Variants in EFHD1 observed in about 807,000 individuals in gnomAD.
The protein encoded by EFHD1 is EF-hand domain family member D1.
A neutral mutation model predicts 17.2 loss-of-function variants in EFHD1; 10 were observed. The observed-to-expected ratio is 0.58, with a 90% CI of 0.36 to 0.99. EFHD1 has a LOEUF of 0.99. Among genes scored for constraint, EFHD1 ranks in the 50% least tolerant of loss-of-function variants. The pLI, the probability that EFHD1 is intolerant of heterozygous loss-of-function variation, is 0.01. For missense variants in EFHD1, 310 were observed against 327.5 expected (o/e 0.95, Z 0.41); for synonymous variants, 153 against 142.0 (o/e 1.08, Z -0.55).
chr2:232,654,219 A>G (rs1574722039), intron 1 of EFHD1, among the ~76,000 whole-genome samples: 1 of 150,972 alleles, frequency 6.6e-6, no homozygotes, highest in East Asian at 2.0e-4. Context: ...AAAAAAAAAA[A>G]AAAGAAAAGA....
intron 1 of EFHD1, among the ~76,000 whole-genome samples, chr2:232,645,176 G>C (rs1694506004): frequency 6.6e-6 from 1 of 152,092 alleles, no homozygotes; most frequent in Non-Finnish European, 1.5e-5. Flanking sequence ...GCTCAGACCT[G>C]GGTTGGCAGT....
intron 1 of EFHD1, among the ~76,000 whole-genome samples, chr2:232,621,807 G>A (rs1432670235): frequency 6.6e-6 from 1 of 152,120 alleles, no homozygotes; most frequent in Admixed American, 6.6e-5. Context: ...AAGAAGTTAA[G>A]TAACTTACTC....
rs183913112 is a variant in EFHD1, at chr2:232,634,132, A to G, written c.302+126A>G. ...CGGGGTGCAGGTAGCATTTGGCCCA[A>G]CGCAGCCAGATCTTGCGTGCTCGGG... On this transcript the variant is annotated intron_variant, in intron 1 of 3. Transcript: ENST00000264059. The G allele has an allele frequency of 1.2e-3, 1,767 of 1,452,812 alleles. 20 individuals carry two copies. The African/African-American group carries it at 0.021, about 18-fold the overall frequency. The allele number at this position is 1,452,812 out of a possible 1,614,324, so 90.0% of individuals were successfully genotyped here. A position where few individuals can be genotyped will look rare whatever the true frequency, so the allele number is the denominator to read the frequency against.
At chr2:232,632,018 T>G (rs1332322240), upstream of EFHD1, among the ~76,000 whole-genome samples, 2 of 149,842 alleles carry the variant, frequency 1.3e-5, no homozygotes, top group Non-Finnish European at 3.0e-5. Flanking sequence ...AAAAAAAAAG[T>G]TTTTAAAATA....
At chr2:232,664,464 A>G (rs1024306233) in intron 2 of EFHD1, among the ~76,000 whole-genome samples, 1 of 151,472 alleles carries the variant, frequency 6.6e-6, no homozygotes, top group African/African-American at 2.4e-5. Flanking sequence ...TATTAAAAAA[A>G]ATTTTGTGGT....
intron 1 of EFHD1, among the ~76,000 whole-genome samples, chr2:232,628,509 T>G (rs1453974871): frequency 6.6e-6 from 1 of 152,204 alleles, no homozygotes; most frequent in East Asian, 1.9e-4. Context: ...AAAGCAGCCC[T>G]GGGGTTTTGC....
At chr2:232,675,297 C>T (rs776912603) in intron 3 of EFHD1, among the ~76,000 whole-genome samples, 17 of 152,144 alleles carry the variant, frequency 1.1e-4, no homozygotes, top group Admixed American at 5.9e-4. Flanking sequence ...GATCAGGAAA[C>T]TGGGCCAGCA....
At chr2:232,619,184 T>TAAAC (rs1311438148) in intron 1 of EFHD1, among the ~76,000 whole-genome samples, 9 of 133,050 alleles carry the variant, frequency 6.8e-5, no homozygotes, top group African/African-American at 2.2e-4. Context: ...AATAAATAAA[T>TAAAC]AAATAAACAA....
At chr2:232,666,280 T>C (rs2106213540) in intron 2 of EFHD1, among the ~76,000 whole-genome samples, 1 of 152,352 alleles carries the variant, frequency 6.6e-6, no homozygotes, top group Non-Finnish European at 1.5e-5. Context: ...ATGTGGGCTG[T>C]GGCCTCCGTG....
At chr2:232,672,958 A>C (rs1258796863) in intron 3 of EFHD1, among the ~76,000 whole-genome samples, 1 of 152,178 alleles carries the variant, frequency 6.6e-6, no homozygotes, top group East Asian at 1.9e-4. Context: ...CTGAAAGCCC[A>C]GTGCTCTCAT....
intron 1 of EFHD1, among the ~76,000 whole-genome samples, chr2:232,648,909 A>G (rs1694584107): frequency 6.6e-6 from 1 of 151,912 alleles, no homozygotes. Context: ...TGTCCCTGAG[A>G]TGCAGGCAAC....
intron 1 of EFHD1, among the ~76,000 whole-genome samples, chr2:232,615,760 C>T (rs1472761003): frequency 6.7e-6 from 1 of 150,364 alleles, no homozygotes; most frequent in Non-Finnish European, 1.5e-5. Context: ...CAATCTCAGC[C>T]CACCACAACC....
At chr2:232,623,149 C>T (rs1481405175) in intron 1 of EFHD1, among the ~76,000 whole-genome samples, 2 of 152,122 alleles carry the variant, frequency 1.3e-5, no homozygotes, top group South Asian at 2.1e-4. Flanking sequence ...TGGGCTCAAA[C>T]GATCCTCCTA....
Position 232,679,570 on chromosome 2 carries a change from G to A in EFHD1, c.586-2015G>A, listed in dbSNP as rs143800901. 3.3e-3 allele frequency among the ~76,000 whole-genome samples: 499 copies of A among 151,694 alleles called. 1 individual carries two copies. The highest frequency in any genetic ancestry group is 5.4e-3 in the Non-Finnish European group (369 of 67,882). ...TCTCTACAAAAAATTGAAAAAATTA[G>A]CCTATAGGTGGCATGCACCTATAGG... On this transcript the variant is annotated intron_variant, in intron 3 of 3. Coordinates refer to ENST00000264059, the MANE Select transcript of EFHD1 (RefSeq NM_025202.4).
chr2:232,674,846 A>G (rs1695141263), intron 3 of EFHD1, among the ~76,000 whole-genome samples: 1 of 152,072 alleles, frequency 6.6e-6, no homozygotes, highest in African/African-American at 2.4e-5. Flanking sequence ...ACCAAGTGGA[A>G]GGCTCCAAGG....
At chr2:232,623,673 C>CAAAAAAA (rs756932393) in intron 1 of EFHD1, among the ~76,000 whole-genome samples, 7 of 86,632 alleles carry the variant, frequency 8.1e-5, no homozygotes, top group South Asian at 5.5e-4. Context: ...AGTCTCTGTC[C>CAAAAAAA]AAAAAAAAAA....
At chr2:232,661,262 C>A (rs1466908777) in intron 1 of EFHD1, among the ~76,000 whole-genome samples, 1 of 152,122 alleles carries the variant, frequency 6.6e-6, no homozygotes, top group Non-Finnish European at 1.5e-5. Flanking sequence ...ATCGCCAGAA[C>A]CTTTTTCTCA....
chr2:232,662,712 T>G, intron 1 of EFHD1, 90 bp from the exon 2 acceptor site: 1 of 1,517,794 alleles, frequency 6.6e-7, no homozygotes, highest in Non-Finnish European at 8.8e-7. Flanking sequence ...ATTTGAGTCA[T>G]TTTTCGATGA....
chr2:232,664,338 G>C (rs1230397997), intron 2 of EFHD1, among the ~76,000 whole-genome samples: 7 of 149,208 alleles, frequency 4.7e-5, no homozygotes, highest in African/African-American at 1.7e-4. Context: ...ATAGGGTCTT[G>C]CTATGTTGCC....
Sources: gnomAD v4.1 joint callset for allele counts (sites outside exome capture counted in the v4.1 genomes callset) on GRCh38, gnomAD v4.1.1 for gene constraint, MANE v1.5 for transcripts, NCBI Gene and HGNC (gene_info 2026-07-23, HGNC 2026-07-21) for gene names.